The following MEOX2 variants were observed in gnomAD, a reference collection of about 807,000 sequenced individuals.
MEOX2 encodes the protein homeobox protein MOX-2.
Under a neutral mutation model 27.0 loss-of-function variants are expected in MEOX2, and 11 were observed. The ratio of observed to expected loss-of-function variants is 0.41; its 90% CI spans 0.26 to 0.68. The LOEUF (loss-of-function observed/expected upper bound fraction) is 0.68, where lower values mean the gene tolerates loss of function less well. Among genes scored for constraint, MEOX2 ranks in the 30% least tolerant of loss-of-function variants. MEOX2 has a pLI of 0.33. For missense variants in MEOX2, 436 were observed against 385.4 expected, an observed-to-expected ratio of 1.13 and a Z score of -1.10; for synonymous variants, 189 against 155.4, an observed-to-expected ratio of 1.22 and a Z score of -1.61.
intron 2 of MEOX2, among the ~76,000 whole-genome samples, chr7:15,614,856 A>G (rs1214306430): frequency 1.3e-5 from 2 of 152,172 alleles, no homozygotes; most frequent in African/African-American, 4.8e-5. Context: ...TTAAATTTCC[A>G]AAGACATAAT....
intron 1 of MEOX2, among the ~76,000 whole-genome samples, chr7:15,640,805 C>A (rs1441601712): frequency 2.0e-5 from 3 of 152,078 alleles, no homozygotes; most frequent in South Asian, 2.1e-4. Context: ...GTTTTTAATT[C>A]TGTTTACATA....
At chr7:15,628,793 A>C (rs1299167397) in intron 1 of MEOX2, among the ~76,000 whole-genome samples, 2 of 152,120 alleles carry the variant, frequency 1.3e-5, no homozygotes, top group South Asian at 2.1e-4. Flanking sequence ...GCATTTAGCT[A>C]TTCTGGCATT....
intron 1 of MEOX2, among the ~76,000 whole-genome samples, chr7:15,638,627 T>G (rs180696479): frequency 6.6e-6 from 1 of 152,050 alleles, no homozygotes; most frequent in African/African-American, 2.4e-5. Flanking sequence ...TTTTACCCTC[T>G]CCTCCTTCTC....
intron 2 of MEOX2, among the ~76,000 whole-genome samples, chr7:15,615,365 T>A (rs1425757453): frequency 6.6e-6 from 1 of 151,796 alleles, no homozygotes; most frequent in African/African-American, 2.4e-5. Context: ...TTGTTTTTGG[T>A]TTTTTTGTTT....
chr7:15,673,139 C>G (rs908984049), intron 1 of MEOX2, among the ~76,000 whole-genome samples: 2 of 152,112 alleles, frequency 1.3e-5, no homozygotes, highest in Admixed American at 1.3e-4. Flanking sequence ...AACTGTGCAC[C>G]TAAGCCTATG....
intron 2 of MEOX2, 64 bp from the exon 3 acceptor site, chr7:15,612,675 T>C: frequency 7.2e-7 from 1 of 1,384,262 alleles, no homozygotes. Context: ...CATTTTTTTC[T>C]CCTTAGTGTC....
Position 15,626,837 on chromosome 7 carries a change from C to A in MEOX2, c.599G>T (p.Arg200Ile). 6.2e-7 allele frequency: 1 copy of A among 1,611,574 alleles called. No homozygotes were observed. The highest frequency in any genetic ancestry group is 8.5e-7 in the Non-Finnish European group (1 of 1,179,222). ...ATGGGCAAATTCTGCTTCAAGTTCT[C>A]TGATTTGCTCTTTGGTAAATGCTGT... The part of the protein sequence containing the change: ...ERTAFTKEQI[R>I]ELEAEFAHHN... The change falls in exon 2 of 3, where the codon AGA becomes ATA. Residue 200 changes from arginine to isoleucine, a missense_variant. Arg to Ile is a moderately conservative substitution (Grantham distance 97). Transcript: ENST00000262041.
intron 1 of MEOX2, among the ~76,000 whole-genome samples, chr7:15,643,435 G>A (rs1378476045): frequency 6.6e-6 from 1 of 152,124 alleles, no homozygotes; most frequent in Non-Finnish European, 1.5e-5. Context: ...AGGCCACTGG[G>A]CCAACCCTTC....
chr7:15,660,423 A>T (rs1781893908), intron 1 of MEOX2, among the ~76,000 whole-genome samples: 1 of 151,754 alleles, frequency 6.6e-6, no homozygotes, highest in Non-Finnish European at 1.5e-5. Flanking sequence ...TGTCCACCCT[A>T]CTCTCTCGAG....
chr7:15,671,110 CTG>C (rs1159584665), intron 1 of MEOX2, among the ~76,000 whole-genome samples: 1 of 152,058 alleles, frequency 6.6e-6, no homozygotes, highest in Non-Finnish European at 1.5e-5. Context: ...TTTTTAAATG[CTG>C]TAATTTTCCA....
At chr7:15,649,135 T>C (rs1007531318) in intron 1 of MEOX2, among the ~76,000 whole-genome samples, 1 of 152,098 alleles carries the variant, frequency 6.6e-6, no homozygotes, top group Non-Finnish European at 1.5e-5. Context: ...GCTGATCTTT[T>C]CTATAAATAA....
At chr7:15,670,968 C>A (rs1280338047) in intron 1 of MEOX2, among the ~76,000 whole-genome samples, 1 of 152,102 alleles carries the variant, frequency 6.6e-6, no homozygotes, top group African/African-American at 2.4e-5. Context: ...AATAAGATAT[C>A]TGAGATGTTT....
At chr7:15,674,071 A>C (rs942260743) in intron 1 of MEOX2, among the ~76,000 whole-genome samples, 2 of 152,134 alleles carry the variant, frequency 1.3e-5, no homozygotes, top group Non-Finnish European at 2.9e-5. Context: ...ATTAAACAAA[A>C]TTTGGTTACA....
intron 1 of MEOX2, chr7:15,668,202 C>CT (rs1782039608): frequency 6.6e-6 from 1 of 152,194 alleles, no homozygotes; most frequent in Non-Finnish European, 1.5e-5. Context: ...GACAGAAGAC[C>CT]TTTGCCTTCT....
At chr7:15,662,329 C>T (rs574848777) in intron 1 of MEOX2, among the ~76,000 whole-genome samples, 1 of 151,792 alleles carries the variant, frequency 6.6e-6, no homozygotes, top group Non-Finnish European at 1.5e-5. Flanking sequence ...TTTCAGTTCT[C>T]CATTTTCTTA....
intron 1 of MEOX2, among the ~76,000 whole-genome samples, chr7:15,652,288 G>A (rs1167282132): frequency 1.3e-5 from 2 of 151,976 alleles, no homozygotes; most frequent in Non-Finnish European, 2.9e-5. Flanking sequence ...AGTAGAAAAT[G>A]CATATGTAAT....
chr7:15,663,747 G>A (rs563308630), intron 1 of MEOX2, among the ~76,000 whole-genome samples: 18 of 152,244 alleles, frequency 1.2e-4, no homozygotes, highest in East Asian at 1.9e-4. Context: ...TAAATTAAAC[G>A]CACTGTGGCA....
intron 1 of MEOX2, among the ~76,000 whole-genome samples, chr7:15,656,597 C>A (rs974643914): frequency 2.6e-5 from 4 of 151,686 alleles, no homozygotes; most frequent in Non-Finnish European, 5.9e-5. Context: ...AGTGTAGAAA[C>A]CTGACCTCCC....
intron 1 of MEOX2, among the ~76,000 whole-genome samples, chr7:15,683,721 C>G (rs1262787014): frequency 6.6e-6 from 1 of 152,072 alleles, no homozygotes; most frequent in African/African-American, 2.4e-5. Flanking sequence ...TAGATTTAAA[C>G]AGAAACTATT....
Sources: allele counts gnomAD v4.1 joint callset (sites outside exome capture counted in the v4.1 genomes callset), GRCh38; gene constraint gnomAD v4.1.1; transcripts MANE v1.5; gene names NCBI Gene and HGNC (gene_info 2026-07-23, HGNC 2026-07-21).